Variants in JADE1 observed in about 807,000 individuals in gnomAD.
The protein encoded by JADE1 is jade family PHD finger 1.
Under a neutral mutation model 81.8 loss-of-function variants are expected in JADE1, and 14 were observed. The observed-to-expected ratio is 0.17, with a 90% CI of 0.11 to 0.27. The LOEUF is 0.27. Among genes scored for constraint, JADE1 ranks in the 10% least tolerant of loss-of-function variants. The pLI, the probability that JADE1 is intolerant of heterozygous loss-of-function variation, is 1.00. For synonymous variants in JADE1, 353 were observed against 391.9 expected (o/e 0.90, Z 1.17); for missense variants, 690 against 1,047.9 (o/e 0.66, Z 4.71).
intron 10 of JADE1, 57 bp downstream of exon 10, chr4:128,868,030 A>T (rs555842585): frequency 2.5e-6 from 2 of 806,120 alleles, no homozygotes; most frequent in Non-Finnish European, 4.2e-6. Flanking sequence ...AAGCTTTAAC[A>T]CTGTTGAGGA....
intron 1 of JADE1, among the ~76,000 whole-genome samples, chr4:128,829,271 G>A (rs1190829092): frequency 6.6e-6 from 1 of 152,136 alleles, no homozygotes; most frequent in Non-Finnish European, 1.5e-5. Context: ...GAAAAGGGAT[G>A]GAGTGGGTTT....
intron 9 of JADE1, chr4:128,863,734 G>C: frequency 1.0e-6 from 1 of 985,382 alleles, no homozygotes; most frequent in Non-Finnish European, 1.2e-6. Context: ...ATTTTTGTTA[G>C]AGATGAGAAA....
At chr4:128,855,834 T>C (rs748121103) in intron 7 of JADE1, 37 bp downstream of exon 7, 9 of 1,564,980 alleles carry the variant, frequency 5.8e-6, no homozygotes, top group Non-Finnish European at 6.1e-6. Flanking sequence ...TTTACTTTTT[T>C]TTAAGACAGA....
chr4:128,873,027 T>TA lies in JADE1; in HGVS notation c.*766dup, dbSNP rs914005356. ...ATAAGGGCAGTTGAAGTAGAATTTTTACCAGTCCACTTGACCTTCTTCTTC... is the reference window on the plus strand; with the variant it reads ...ATAAGGGCAGTTGAAGTAGAATTTTTAACCAGTCCACTTGACCTTCTTCTTC... On this transcript the variant is annotated 3_prime_UTR_variant, in exon 11 of 11. Transcript: ENST00000226319. 1.4e-4 allele frequency: 56 copies of TA among 414,196 alleles called. No homozygotes were observed. The highest frequency in any genetic ancestry group is 1.0e-3 in the African/African-American group (50 of 49,216). 25.7% of individuals were successfully genotyped at this position (414,196 alleles called of 1,614,324 possible). A position where few individuals can be genotyped will look rare whatever the true frequency, so the allele number is the denominator to read the frequency against.
rs1729911774 is a variant in JADE1 at position 128,846,833 on chromosome 4, G to A, written c.296+301G>A. ...CATCCTGGGAAGTGATGGGCTAGGG[G>A]AGGAAAATTTGGGTGTTCACACGTC... is the stretch of plus-strand genomic sequence containing the variant. On this transcript the variant is annotated intron_variant, in intron 4 of 10. Transcript: ENST00000226319. This position sits in a 1 kb window ranked among gnomAD's most constrained non-coding sequence, Gnocchi z 4.0. Among the ~76,000 whole-genome samples the A allele has an allele frequency of 1.3e-5, 2 of 152,178 alleles. No homozygotes were observed. The highest frequency in any genetic ancestry group is 4.1e-4 in the South Asian group (2 of 4,834).
rs1403401656 is a variant in JADE1 at position 128,857,427 on chromosome 4, C to T, written c.954C>T (p.Cys318=). The T allele has an allele frequency of 6.2e-7, 1 of 1,614,084 alleles. No homozygotes were observed. Among genetic ancestry groups the T allele is most frequent in the South Asian group, 1.1e-5 (1 of 91,088 alleles). ...SSRWALVCSL[C]NEKFGASIQC... is the part of the protein sequence containing the mutation. ...GGTGGGCGCTAGTGTGCAGCCTCTG[C>T]AATGAGAAGTTTGGGGCCTCTATAC... The change falls in exon 8 of 11, where the codon TGC becomes TGT. Residue 318 remains cysteine, a synonymous_variant. Coordinates refer to ENST00000226319, the MANE Select transcript of JADE1 (RefSeq NM_199320.4).
intron 8 of JADE1, among the ~76,000 whole-genome samples, chr4:128,858,503 T>C (rs922752614): frequency 1.3e-5 from 2 of 152,156 alleles, no homozygotes; most frequent in Admixed American, 6.5e-5. Flanking sequence ...TCCGAGAGCA[T>C]GGTCATCCTG....
intron 9 of JADE1, chr4:128,863,552 A>C (rs1731542707): frequency 1.0e-6 from 1 of 985,252 alleles, no homozygotes; most frequent in South Asian, 4.7e-5. Flanking sequence ...GTGCCAGCTT[A>C]TTTGTGATGC....
At chr4:128,863,220 G>A (rs1731510524) in intron 9 of JADE1, 2 of 985,430 alleles carry the variant, frequency 2.0e-6, no homozygotes, top group South Asian at 4.7e-5. Context: ...CCTCCCGCTA[G>A]GGCCTCCTGC....
At chr4:128,832,943 G>A (rs908954205) in intron 2 of JADE1, among the ~76,000 whole-genome samples, 1 of 151,100 alleles carries the variant, frequency 6.6e-6, no homozygotes, top group African/African-American at 2.5e-5. Context: ...GCACAGGCAC[G>A]GGGCTTTTGG....
chr4:128,831,861 A>G (rs376504061), intron 2 of JADE1, 51 bp downstream of exon 2: 2 of 1,515,692 alleles, frequency 1.3e-6, no homozygotes, highest in African/African-American at 1.4e-5. Context: ...GGGTCGGGGT[A>G]AAAACATGAT....
In JADE1 at chr4:128,874,125, A is replaced by C. The variant is rs1489348738; in HGVS notation, c.*1863A>C. The C allele has an allele frequency of 6.6e-6, 1 of 152,666 alleles. No individual in the cohort carries two copies. The highest frequency in any genetic ancestry group is 1.9e-4 in the East Asian group (1 of 5,190). 9.5% of individuals were successfully genotyped at this position (152,666 alleles called of 1,614,324 possible). ...CTGCAGATAATAGAAGGTTCTTATG[A>C]ATCCAAGTTGTATATTCACTTGTAG... On this transcript the variant is annotated 3_prime_UTR_variant, in exon 11 of 11. Transcript: ENST00000226319.
Position 128,861,887 on chromosome 4 carries a change from C to T in JADE1, c.1165C>T (p.Pro389Ser), listed in dbSNP as rs768809621. Residue 389 changes from proline to serine, a missense_variant, in exon 9 of 11, where the codon CCT becomes TCT. This residue lies in a region of JADE1 where 77 missense variants were observed against 76.4 expected (regional missense o/e 1.01). Transcript: ENST00000226319. ...GGGGGCTGCACAGGAGAATGGGGCC[C>T]CTGAGTGTTCCCCCCGGAATCCGCT... ...GKGAAQENGA[P>S]ECSPRNPLEP... The T allele has an allele frequency of 6.2e-7, 1 of 1,614,084 alleles. No homozygotes were observed. The highest frequency in any genetic ancestry group is 8.5e-7 in the Non-Finnish European group (1 of 1,179,960).
intron 1 of JADE1, among the ~76,000 whole-genome samples, chr4:128,821,577 C>T (rs1011691249): frequency 1.3e-5 from 2 of 150,748 alleles, no homozygotes; most frequent in South Asian, 4.2e-4. Flanking sequence ...TTACTGCAAC[C>T]TCCGCCTCCT....
rs982305903 is a variant in JADE1, at chr4:128,873,071, A to C, written c.*809A>C. 4 of 353,616 alleles carry C rather than the reference A, an allele frequency of 1.1e-5. No individual in the cohort carries two copies. The highest frequency in any genetic ancestry group is 8.5e-5 in the African/African-American group (4 of 47,124). 21.9% of individuals were successfully genotyped at this position (353,616 alleles called of 1,614,324 possible). A position where few individuals can be genotyped will look rare whatever the true frequency, so the allele number is the denominator to read the frequency against. ...CTTCTTCCCTAACCACTGGCTCTTG[A>C]GCCAGCTTGGGATTTCCCTGGCCAT... On this transcript the variant is annotated 3_prime_UTR_variant, in exon 11 of 11. Coordinates refer to ENST00000226319, the MANE Select transcript of JADE1 (RefSeq NM_199320.4).
chr4:128,866,713 G>A (rs1332572191), intron 9 of JADE1, among the ~76,000 whole-genome samples: 1 of 152,160 alleles, frequency 6.6e-6, no homozygotes, highest in Non-Finnish European at 1.5e-5. Flanking sequence ...TGCTCATAAT[G>A]GGATATTTTT....
rs74588191 is a variant in JADE1, at chr4:128,846,832, G to A, written c.296+300G>A. 0.022 allele frequency among the ~76,000 whole-genome samples: 3,403 copies of A among 152,214 alleles called. 108 individuals are homozygous for A. The highest frequency in any genetic ancestry group is 0.073 in the African/African-American group (3,051 of 41,516). ...ACATCCTGGGAAGTGATGGGCTAGG[G>A]GAGGAAAATTTGGGTGTTCACACGT... On this transcript the variant is annotated intron_variant, in intron 4 of 10. Transcript: ENST00000226319. This position sits in a 1 kb window ranked among gnomAD's most constrained non-coding sequence, Gnocchi z 4.0.
At chr4:128,828,487 G>A (rs1728255371) in intron 1 of JADE1, among the ~76,000 whole-genome samples, 1 of 152,188 alleles carries the variant, frequency 6.6e-6, no homozygotes, top group Non-Finnish European at 1.5e-5. Context: ...AGGAAATTCT[G>A]CTGAGCACTA....
At position 128,862,927 on chromosome 4, in the gene JADE1, T is replaced by G. The variant is rs975797426; in HGVS notation, c.1503+702T>G. The G allele has an allele frequency of 7.1e-6, 7 of 986,444 alleles. No individual in the cohort carries two copies. The South Asian group carries it at 3.3e-4, about 46-fold the overall frequency. The allele number at this position is 986,444 out of a possible 1,614,324, so 61.1% of individuals were successfully genotyped here. ...GTGTGTGTGTGTGCGCGTGCCCGTG[T>G]CCATCCATGTCTCTGTTGTGTGTCT... On this transcript the variant is annotated intron_variant, in intron 9 of 10. Transcript: ENST00000226319.
Sources: gnomAD v4.1 joint callset for allele counts (sites outside exome capture counted in the v4.1 genomes callset) on GRCh38, gnomAD v4.1.1 for gene constraint, gnomAD v4.1.1 regional missense constraint, Gnocchi (gnomAD v3.1) non-coding constraint, MANE v1.5 for transcripts, NCBI Gene and HGNC (gene_info 2026-07-23, HGNC 2026-07-21) for gene names.